CHCHD4: variants seen among roughly 807,000 people sequenced by gnomAD.
The protein encoded by CHCHD4 is coiled-coil-helix-coiled-coil-helix domain containing 4, also known as mitochondrial intermembrane space import and assembly protein 40.
In CHCHD4, 7 loss-of-function variants were observed where a neutral mutation model predicts 12.4. The observed-to-expected ratio is 0.57, with a 90% CI of 0.32 to 1.06. CHCHD4 has a LOEUF of 1.06. Ranked by LOEUF, CHCHD4 falls within the 50% of genes least tolerant of loss-of-function variation. CHCHD4 has a pLI of 0.04. For missense variants in CHCHD4, 143 were observed against 175.1 expected (o/e 0.82, Z 1.03); for synonymous variants, 56 against 58.0 (o/e 0.97, Z 0.16).
chr3:14,123,037 G>A (rs547072709), intron 1 of CHCHD4, among the ~76,000 whole-genome samples: 4 of 151,726 alleles, frequency 2.6e-5, no homozygotes, highest in Non-Finnish European at 5.9e-5. Context: ...TAAAGGATCA[G>A]TGGGGGGCGG....
Position 14,124,688 on chromosome 3 carries a change from G to A in CHCHD4, c.-12C>T. 2 of 1,527,298 alleles carry A rather than the reference G, an allele frequency of 1.3e-6. No individual in the cohort carries two copies. The highest frequency in any genetic ancestry group is 2.7e-5 in the East Asian group (1 of 37,672). 94.6% of individuals were successfully genotyped at this position (1,527,298 alleles called of 1,614,324 possible). A position where few individuals can be genotyped will look rare whatever the true frequency, so the allele number is the denominator to read the frequency against. On this transcript the variant is annotated 5_prime_UTR_variant, in exon 1 of 3. The change creates a new upstream start codon in the 5' untranslated region. Coordinates refer to ENST00000396914, the MANE Select transcript of CHCHD4 (RefSeq NM_001098502.2). ...CGGCAATAGGACATGGCTGCAGCCCGTCCCTGAGACCTTGCAGAAGCGGCG... is the reference window on the plus strand; with the variant it reads ...CGGCAATAGGACATGGCTGCAGCCCATCCCTGAGACCTTGCAGAAGCGGCG...
chr3:14,123,489 G>C (rs1694962742), intron 1 of CHCHD4, among the ~76,000 whole-genome samples: 1 of 152,172 alleles, frequency 6.6e-6, no homozygotes. Context: ...GAAGCAGACA[G>C]CGCCACCAGG....
At chr3:14,116,389 C>T (rs1694875993) in intron 2 of CHCHD4, 37 bp downstream of exon 2, 1 of 1,351,916 alleles carries the variant, frequency 7.4e-7, no homozygotes, top group Non-Finnish European at 1.1e-6. Flanking sequence ...TCCCCAGTGC[C>T]CTGGTGTGGG....
chr3:14,118,260 C>A (rs959447510), intron 1 of CHCHD4, among the ~76,000 whole-genome samples: 3 of 152,184 alleles, frequency 2.0e-5, no homozygotes, highest in African/African-American at 7.2e-5. Context: ...CCACTGTGGG[C>A]GCAGAGGCCG....
chr3:14,112,721 T>G lies in CHCHD4; in HGVS notation c.*166A>C. The G allele has an allele frequency of 1.6e-6, 1 of 640,298 alleles. No homozygotes were observed. 39.7% of individuals were successfully genotyped at this position (640,298 alleles called of 1,614,324 possible). ...TACAACCCCCATTTTTTTCAGTGTATATGTCAAGATGTCAAGACCTCAAGA... is the reference window on the plus strand; with the variant it reads ...TACAACCCCCATTTTTTTCAGTGTAGATGTCAAGATGTCAAGACCTCAAGA... On this transcript the variant is annotated 3_prime_UTR_variant, in exon 3 of 3. Coordinates refer to ENST00000396914, the MANE Select transcript of CHCHD4 (RefSeq NM_001098502.2).
intron 1 of CHCHD4, among the ~76,000 whole-genome samples, chr3:14,122,855 C>A (rs893210835): frequency 2.6e-5 from 4 of 152,060 alleles, no homozygotes; most frequent in Admixed American, 2.6e-4. Context: ...GAGTCAGCCA[C>A]GGAAGAGCTG....
intron 1 of CHCHD4, 90 bp downstream of exon 1, chr3:14,124,565 C>A: frequency 7.7e-7 from 1 of 1,293,132 alleles, no homozygotes; most frequent in Non-Finnish European, 1.0e-6. Context: ...CTCAGGTGGC[C>A]CGCGCCCGGC....
chr3:14,122,457 G>A (rs1386530013), intron 1 of CHCHD4, among the ~76,000 whole-genome samples: 1 of 152,236 alleles, frequency 6.6e-6, no homozygotes, highest in Non-Finnish European at 1.5e-5. Flanking sequence ...AACTAAGAAA[G>A]AAACACTATG....
At chr3:14,122,601 T>G (rs1237999304) in intron 1 of CHCHD4, among the ~76,000 whole-genome samples, 1 of 152,134 alleles carries the variant, frequency 6.6e-6, no homozygotes, top group Non-Finnish European at 1.5e-5. Context: ...TACAGGCAAG[T>G]GATTCACTCA....
chr3:14,116,312 A>G, intron 2 of CHCHD4, 114 bp downstream of exon 2: 1 of 787,160 alleles, frequency 1.3e-6, no homozygotes, highest in Non-Finnish European at 2.3e-6. Flanking sequence ...TATGGCTGAG[A>G]ATAGATACCT....
At chr3:14,124,531 C>G in intron 1 of CHCHD4, 124 bp downstream of exon 1, 1 of 796,316 alleles carries the variant, frequency 1.3e-6, no homozygotes, top group Non-Finnish European at 1.8e-6. Context: ...TCCGAGTGTC[C>G]CAGGGTGGGC....
intron 1 of CHCHD4, chr3:14,122,165 G>T: frequency 6.8e-7 from 1 of 1,480,428 alleles, no homozygotes; most frequent in Non-Finnish European, 8.9e-7. Context: ...TAAGAAAGTG[G>T]CATTTAAAAG....
At chr3:14,118,738 A>G (rs1287354603) in intron 1 of CHCHD4, among the ~76,000 whole-genome samples, 4 of 152,238 alleles carry the variant, frequency 2.6e-5, no homozygotes, top group Non-Finnish European at 5.9e-5. Context: ...GACTTGTTAA[A>G]GTACCTAGTA....
intron 1 of CHCHD4, 150 bp downstream of exon 1, chr3:14,124,505 C>T: frequency 7.0e-6 from 4 of 568,824 alleles, no homozygotes; most frequent in East Asian, 3.6e-5. Context: ...AGTAGCGACC[C>T]CCCAGCCGGC....
At chr3:14,116,377 T>G in intron 2 of CHCHD4, 49 bp downstream of exon 2, 1 of 1,225,026 alleles carries the variant, frequency 8.2e-7, no homozygotes, top group Non-Finnish European at 1.2e-6. Context: ...ACACTGAGCT[T>G]CTCCCCAGTG....
At chr3:14,120,823 C>T (rs995036037) in intron 1 of CHCHD4, among the ~76,000 whole-genome samples, 2 of 152,284 alleles carry the variant, frequency 1.3e-5, no homozygotes, top group East Asian at 3.9e-4. Context: ...GAGAGAAACA[C>T]GAAGGGTGGC....
chr3:14,112,764 A>G lies in CHCHD4; in HGVS notation c.*123T>C. The stretch of plus-strand genomic sequence containing the variant: ...CCTCAAGACCTCTGATCATCAAAAT[A>G]AGTTATTTTGTATATTATAATGCAC... On this transcript the variant is annotated 3_prime_UTR_variant, in exon 3 of 3. Transcript: ENST00000396914. The G allele has an allele frequency of 1.1e-6, 1 of 900,170 alleles. No homozygotes were observed. The highest frequency in any genetic ancestry group is 1.7e-6 in the Non-Finnish European group (1 of 601,518). The allele number at this position is 900,170 out of a possible 1,614,324, so 55.8% of individuals were successfully genotyped here.
At position 14,124,714 on chromosome 3, in the gene CHCHD4, G is replaced by T; in HGVS notation, c.-38C>A. 4 of 1,516,424 alleles carry T rather than the reference G, an allele frequency of 2.6e-6. No individual in the cohort carries two copies. The highest frequency in any genetic ancestry group is 3.5e-6 in the Non-Finnish European group (4 of 1,133,786). 93.9% of individuals were successfully genotyped at this position (1,516,424 alleles called of 1,614,324 possible). A position where few individuals can be genotyped will look rare whatever the true frequency, so the allele number is the denominator to read the frequency against. On this transcript the variant is annotated 5_prime_UTR_variant, in exon 1 of 3. Transcript: ENST00000396914. ...TCCCTGAGACCTTGCAGAAGCGGCG[G>T]TGGCGGCAGCTGCACCTTTACGCCG...
intron 2 of CHCHD4, among the ~76,000 whole-genome samples, chr3:14,113,713 T>C (rs987856904): frequency 6.6e-6 from 1 of 152,152 alleles, no homozygotes; most frequent in Non-Finnish European, 1.5e-5. Flanking sequence ...TTGCTCCTTA[T>C]GTACTGACGA....
Sources: gnomAD v4.1 joint callset for allele counts (sites outside exome capture counted in the v4.1 genomes callset) on GRCh38, gnomAD v4.1.1 for gene constraint, MANE v1.5 for transcripts, NCBI Gene and HGNC (gene_info 2026-07-23, HGNC 2026-07-21) for gene names.